The following TXNRD1 variants were observed in gnomAD, a reference collection of about 807,000 sequenced individuals.
TXNRD1 encodes the protein thioredoxin reductase 1, cytoplasmic.
A neutral mutation model predicts 80.3 loss-of-function variants in TXNRD1; 57 were observed. The ratio of observed to expected loss-of-function variants is 0.71; its 90% CI spans 0.57 to 0.89. TXNRD1 has a LOEUF of 0.89. Among genes scored for constraint, TXNRD1 ranks in the 40% least tolerant of loss-of-function variants. TXNRD1 has a pLI of 0.00. For synonymous variants in TXNRD1, 291 were observed against 285.2 expected, an observed-to-expected ratio of 1.02 and a Z score of -0.20; for missense variants, 730 against 803.0, an observed-to-expected ratio of 0.91 and a Z score of 1.10.
chr12:104,319,621 A>G (rs749564789), intron 9 of TXNRD1, 36 bp downstream of exon 9: 1 of 1,423,744 alleles, frequency 7.0e-7, no homozygotes. Flanking sequence ...AGAAAAACCC[A>G]TTGTGGATAT....
At chr12:104,308,246 T>A (rs2035001403) in intron 4 of TXNRD1, among the ~76,000 whole-genome samples, 1 of 152,106 alleles carries the variant, frequency 6.6e-6, no homozygotes, top group Non-Finnish European at 1.5e-5. Flanking sequence ...CCACCCGCCT[T>A]GGCCTCTCAA....
At position 104,349,490 on chromosome 12, in the gene TXNRD1, C is replaced by T. The variant is rs1487223601; in HGVS notation, c.*1069C>T. 1 of 152,626 alleles carries T rather than the reference C, an allele frequency of 6.6e-6. No individual in the cohort carries two copies. The highest frequency in any genetic ancestry group is 1.9e-4 in the East Asian group (1 of 5,206). The allele number at this position is 152,626 out of a possible 1,614,324, so 9.5% of individuals were successfully genotyped here. The stretch of plus-strand genomic sequence containing the variant: ...TAAGTTATTATTAATATTTTGAACA[C>T]AGGTGGATGTGAAGGATTTTCATTT... On this transcript the variant is annotated 3_prime_UTR_variant, in exon 17 of 17. Coordinates refer to ENST00000525566, the MANE Select transcript of TXNRD1 (RefSeq NM_001093771.3).
intron 3 of TXNRD1, among the ~76,000 whole-genome samples, chr12:104,263,315 G>A (rs536319165): frequency 1.2e-4 from 19 of 152,096 alleles, no homozygotes; most frequent in African/African-American, 1.9e-4. Context: ...CTGGCAATTC[G>A]TGGCCCCTCC....
chr12:104,216,813 G>A (rs993451555), intron 1 of TXNRD1, among the ~76,000 whole-genome samples: 4 of 152,246 alleles, frequency 2.6e-5, no homozygotes, highest in Non-Finnish European at 4.4e-5. Flanking sequence ...TCCAAAAAGT[G>A]CCTTGCCCAA....
intron 3 of TXNRD1, chr12:104,288,656 A>C (rs1484806752): frequency 1.2e-5 from 12 of 989,510 alleles, no homozygotes; most frequent in Non-Finnish European, 1.6e-5. Flanking sequence ...GAGTAGTGCA[A>C]TGATTTAACC....
At chr12:104,302,876 C>T (rs1174442857) in intron 4 of TXNRD1, among the ~76,000 whole-genome samples, 1 of 152,176 alleles carries the variant, frequency 6.6e-6, no homozygotes, top group Non-Finnish European at 1.5e-5. Context: ...TTTCCAGTGA[C>T]CCCATTAAAT....
intron 4 of TXNRD1, among the ~76,000 whole-genome samples, chr12:104,292,392 C>G (rs374645930): frequency 4.1e-5 from 5 of 122,482 alleles, no homozygotes; most frequent in East Asian, 2.9e-4. Context: ...CCCGCCCCCC[C>G]GCCTTTTTTT....
Position 104,327,534 on chromosome 12 carries a change from A to T in TXNRD1, c.1405A>T (p.Thr469Ser), listed in dbSNP as rs200564560. 8.6e-5 allele frequency: 138 copies of T among 1,612,764 alleles called. No individual in the cohort carries two copies. The highest frequency in any genetic ancestry group is 8.1e-5 in the Non-Finnish European group (95 of 1,179,278). Reference protein sequence around the residue: ...INEKTGKIPVTDEEQTNVPYI... With the variant: ...INEKTGKIPVSDEEQTNVPYI... ...TTGCAGGACTGGAAAAATACCTGTCACAGATGAAGAACAGACCAATGTGCC... is the reference window on the plus strand; with the variant it reads ...TTGCAGGACTGGAAAAATACCTGTCTCAGATGAAGAACAGACCAATGTGCC... The change falls in exon 13 of 17, where the codon ACA (threonine) becomes TCA (serine). Residue 469 changes from threonine to serine, a missense_variant. Coordinates refer to ENST00000525566, the MANE Select transcript of TXNRD1 (RefSeq NM_001093771.3).
At chr12:104,252,662 T>TCTATATATATATATA (rs756948232) in intron 2 of TXNRD1, among the ~76,000 whole-genome samples, 4 of 45,818 alleles carry the variant, frequency 8.7e-5, no homozygotes, top group African/African-American at 3.4e-4. Context: ...TTATTATTTT[T>TCTATATATATATATA]TATATATATA....
chr12:104,231,808 T>C (rs965745949), intron 1 of TXNRD1, among the ~76,000 whole-genome samples: 2 of 152,242 alleles, frequency 1.3e-5, no homozygotes, highest in Non-Finnish European at 2.9e-5. Flanking sequence ...ATCTGGATTT[T>C]TACGTTACCC....
intron 4 of TXNRD1, among the ~76,000 whole-genome samples, chr12:104,291,758 G>C (rs1298471658): frequency 2.0e-5 from 3 of 152,152 alleles, no homozygotes; most frequent in Non-Finnish European, 4.4e-5. Flanking sequence ...CTGGGATTAT[G>C]GGCGTGAGCC....
At chr12:104,224,632 C>G (rs574943912) in intron 1 of TXNRD1, among the ~76,000 whole-genome samples, 8 of 152,152 alleles carry the variant, frequency 5.3e-5, no homozygotes, top group Non-Finnish European at 2.9e-5. Context: ...GATCTGCCTG[C>G]CTTGGACTCC....
At chr12:104,245,466 G>A (rs185246504) in intron 1 of TXNRD1, among the ~76,000 whole-genome samples, 8 of 118,618 alleles carry the variant, frequency 6.7e-5, no homozygotes, top group Admixed American at 2.3e-4. Context: ...GCGGTGAGCC[G>A]AGATCACACC....
chr12:104,331,311 A>G (rs997285870), intron 13 of TXNRD1, among the ~76,000 whole-genome samples: 1 of 152,294 alleles, frequency 6.6e-6, no homozygotes, highest in Admixed American at 6.5e-5. Flanking sequence ...TCTTTTTCTC[A>G]TAGTCTTACC....
chr12:104,335,605 AT>A (rs1463496868), intron 15 of TXNRD1, among the ~76,000 whole-genome samples: 1 of 152,130 alleles, frequency 6.6e-6, no homozygotes, highest in African/African-American at 2.4e-5. Context: ...GATAATTCAT[AT>A]TTTTTAAAGT....
intron 1 of TXNRD1, among the ~76,000 whole-genome samples, chr12:104,222,029 T>C (rs2032368482): frequency 6.6e-6 from 1 of 152,116 alleles, no homozygotes; most frequent in Non-Finnish European, 1.5e-5. Flanking sequence ...ATGAGTGTAG[T>C]GTGGCCAGAC....
rs764802723 is a variant in TXNRD1, at chr12:104,304,957, C to A, written c.415-6333C>A. The A allele has an allele frequency of 6.5e-6, 10 of 1,540,706 alleles. No homozygotes were observed. The African/African-American group carries it at 1.3e-4, about 19-fold the overall frequency. On this transcript the variant is annotated intron_variant, in intron 4 of 16. Transcript: ENST00000525566. The stretch of plus-strand genomic sequence containing the variant: ...ACTAAAGATTTCTTAGTATAGCATC[C>A]TTTTTGTGTTTTTTTTCTGAAGTTA...
At chr12:104,270,504 G>A (rs575833345) in intron 3 of TXNRD1, among the ~76,000 whole-genome samples, 1 of 152,142 alleles carries the variant, frequency 6.6e-6, no homozygotes, top group Non-Finnish European at 1.5e-5. Context: ...AAACCAAGTT[G>A]TAAACAGATG....
intron 4 of TXNRD1, 127 bp downstream of exon 4, chr12:104,289,167 G>GA (rs1008685339): frequency 7.0e-6 from 8 of 1,146,958 alleles, no homozygotes; most frequent in Middle Eastern, 2.4e-4. Flanking sequence ...GGGAAATGAC[G>GA]AAAAACGCTC....
Sources: allele counts gnomAD v4.1 joint callset (sites outside exome capture counted in the v4.1 genomes callset), GRCh38; gene constraint gnomAD v4.1.1; transcripts MANE v1.5; gene names NCBI Gene and HGNC (gene_info 2026-07-23, HGNC 2026-07-21).